RPL18: variants seen among roughly 807,000 people sequenced by gnomAD.
RPL18 encodes large ribosomal subunit protein eL18.
A neutral mutation model predicts 25.0 loss-of-function variants in RPL18; 4 were observed. The observed-to-expected ratio is 0.16, with a 90% CI of 0.08 to 0.37. RPL18 has a LOEUF of 0.37. RPL18 is among the 10% of genes least tolerant of loss of function. The probability of loss-of-function intolerance (pLI) is 1.00; values close to 1 mark genes in which losing one functional copy is unlikely to be tolerated. For synonymous variants in RPL18, 129 were observed against 101.6 expected (o/e 1.27, Z -1.62); for missense variants, 179 against 267.9 (o/e 0.67, Z 2.32).
intron 5 of RPL18, 45 bp from the exon 6 acceptor site, chr19:48,615,991 C>G (rs930358862): frequency 2.5e-6 from 4 of 1,613,326 alleles, no homozygotes; most frequent in Non-Finnish European, 3.4e-6. Flanking sequence ...GATCTGGCGC[C>G]CAGCTTCTGG....
chr19:48,617,778 G>A lies in RPL18; in HGVS notation c.90+13C>T, dbSNP rs1171336018. On this transcript the variant is annotated intron_variant, in intron 2 of 6. Coordinates refer to ENST00000549920, the MANE Select transcript of RPL18 (RefSeq NM_000979.4). ...GGGTGACCCTTCCCAAAGACCTCAG[G>A]GCCCAGCCTCACCTTGACCAACAGC... 1 of 1,610,204 alleles carries A rather than the reference G, an allele frequency of 6.2e-7. No homozygotes were observed. Among genetic ancestry groups the A allele is most frequent in the Non-Finnish European group, 8.5e-7 (1 of 1,176,528 alleles).
In RPL18 at chr19:48,615,552, A is replaced by G; in HGVS notation, c.492-105T>C. 2 of 918,132 alleles carry G rather than the reference A, an allele frequency of 2.2e-6. 1 individual carries two copies. Among genetic ancestry groups the G allele is most frequent in the South Asian group, 3.1e-5 (2 of 64,194 alleles). The allele number at this position is 918,132 out of a possible 1,614,324, so 56.9% of individuals were successfully genotyped here. A position where few individuals can be genotyped will look rare whatever the true frequency, so the allele number is the denominator to read the frequency against. ...GTCACATTCAGCCCCAGGAGAGTCA[A>G]TGCTGCTGGAAAAGCTTGGCAGAGT... On this transcript the variant is annotated intron_variant, in intron 6 of 6. Transcript: ENST00000549920.
intron 6 of RPL18, 79 bp downstream of exon 6, chr19:48,615,798 G>T: frequency 1.5e-6 from 2 of 1,299,272 alleles, no homozygotes; most frequent in South Asian, 1.3e-5. Flanking sequence ...AGGGATAGGA[G>T]AAGCAGCCCA....
chr19:48,615,574 G>C, intron 6 of RPL18, 127 bp from the exon 7 acceptor site: 2 of 820,794 alleles, frequency 2.4e-6, no homozygotes, highest in Non-Finnish European at 4.0e-6. Context: ...AAGCTTGGCA[G>C]AGTGGGAAGC....
chr19:48,617,069 G>C (rs747160213), intron 3 of RPL18: 4 of 702,688 alleles, frequency 5.7e-6, no homozygotes, highest in African/African-American at 1.7e-5. Flanking sequence ...GTTATGACTT[G>C]GGGCAATCTC....
rs371932309 is a variant in RPL18 at position 48,616,792 on chromosome 19, G to A, written c.231C>T (p.Asn77=). 1 of 1,613,848 alleles carries A rather than the reference G, an allele frequency of 6.2e-7. No individual in the cohort carries two copies. Among genetic ancestry groups the A allele is most frequent in the Admixed American group, 1.7e-5 (1 of 60,014 alleles). ...TGGTCCCCACAACCACGGCCGTCTT[G>A]TTTTCCCGGCCAGGAAGCTTCATCT... ...IRKMKLPGRE[N]KTAVVVGTIT... Residue 77 remains asparagine (N), a synonymous_variant, in exon 4 of 7, where the codon AAC becomes AAT. Coordinates refer to ENST00000549920, the MANE Select transcript of RPL18 (RefSeq NM_000979.4).
chr19:48,617,091 A>G, intron 3 of RPL18: 1 of 705,084 alleles, frequency 1.4e-6, no homozygotes, highest in Non-Finnish European at 2.6e-6. Flanking sequence ...TGAAGCCACC[A>G]GGACACCTCC....
In RPL18 at chr19:48,617,711, T is replaced by C. The variant is rs766656233; in HGVS notation, c.90+80A>G. ...TGCTCTGCAGGCCCCTGGGAGGAGC[T>C]TGGTGCCAGCACTAGAATGGAGGAT... On this transcript the variant is annotated intron_variant, in intron 2 of 6. Transcript: ENST00000549920. 223 of 1,114,614 alleles carry C rather than the reference T, an allele frequency of 2.0e-4. 1 individual carries two copies. In the East Asian group the frequency reaches 5.1e-3, roughly 25 times the overall value. 69.0% of individuals were successfully genotyped at this position (1,114,614 alleles called of 1,614,324 possible).
intron 4 of RPL18, 94 bp downstream of exon 4, chr19:48,616,632 C>CT (rs1568424656): frequency 3.2e-6 from 3 of 930,002 alleles, no homozygotes; most frequent in Non-Finnish European, 3.6e-6. Context: ...GGTGGCAAGA[C>CT]TGAGGATGGA....
At position 48,616,607 on chromosome 19, in the gene RPL18, G is replaced by A. The variant is rs781412888; in HGVS notation, c.297+119C>T. ...TCAAAGCCACTCAGACAGGCAGGAT[G>A]CTTGCCTCACCAGCGGTGGCAAGAC... On this transcript the variant is annotated intron_variant, in intron 4 of 6. Coordinates refer to ENST00000549920, the MANE Select transcript of RPL18 (RefSeq NM_000979.4). 17 of 807,406 alleles carry A rather than the reference G, an allele frequency of 2.1e-5. No individual in the cohort carries two copies. The South Asian group carries it at 2.3e-4, about 11-fold the overall frequency. The allele number at this position is 807,406 out of a possible 1,614,324, so 50.0% of individuals were successfully genotyped here.
chr19:48,618,136 C>A, intron 1 of RPL18: 1 of 328,716 alleles, frequency 3.0e-6, no homozygotes, highest in Admixed American at 4.6e-5. Context: ...ACAAAAAGGT[C>A]AATTCTTTAC....
intron 6 of RPL18, 181 bp downstream of exon 6, chr19:48,615,696 C>T: frequency 3.0e-6 from 2 of 668,814 alleles, no homozygotes; most frequent in Middle Eastern, 3.4e-4. Context: ...CTGCTCAGGC[C>T]CTGGAAAACA....
chr19:48,616,926 C>G (rs751721789), intron 3 of RPL18, 102 bp from the exon 4 acceptor site: 2 of 833,398 alleles, frequency 2.4e-6, no homozygotes, highest in East Asian at 2.5e-5. Flanking sequence ...CTAACGGGAC[C>G]CCCCACTCAC....
chr19:48,618,922 G>A (rs1974281030), intron 1 of RPL18: 3 of 578,176 alleles, frequency 5.2e-6, no homozygotes, highest in Admixed American at 3.3e-5. Flanking sequence ...AGTCATATCA[G>A]CCTCCGAGTA....
chr19:48,618,093 A>C (rs1412006127), intron 1 of RPL18: 1 of 476,426 alleles, frequency 2.1e-6, no homozygotes, highest in South Asian at 2.9e-5. Flanking sequence ...AGAACCCTGA[A>C]ACATCGTAAC....
intron 2 of RPL18, 123 bp from the exon 3 acceptor site, chr19:48,617,546 G>A (rs534787885): frequency 6.8e-5 from 54 of 795,478 alleles, no homozygotes; most frequent in Admixed American, 1.0e-4. Context: ...CCAACCCACC[G>A]ACCTAGAGGG....
chr19:48,615,679 G>A lies in RPL18; in HGVS notation c.491+198C>T, dbSNP rs1568424002. The A allele has an allele frequency of 4.6e-6, 3 of 651,898 alleles. No individual in the cohort carries two copies. The South Asian group carries it at 5.4e-5, about 12-fold the overall frequency. 40.4% of individuals were successfully genotyped at this position (651,898 alleles called of 1,614,324 possible). ...GGCCGGTGAACTGCATGCTCCCCAGGAGATGCCTGCTCAGGCCCTGGAAAA... is the reference window on the plus strand; with the variant it reads ...GGCCGGTGAACTGCATGCTCCCCAGAAGATGCCTGCTCAGGCCCTGGAAAA... On this transcript the variant is annotated intron_variant, in intron 6 of 6. Transcript: ENST00000549920.
rs1003223107 is a variant in RPL18, at chr19:48,615,353, A to G, written c.*19T>C. On this transcript the variant is annotated 3_prime_UTR_variant, in exon 7 of 7. Coordinates refer to ENST00000549920, the MANE Select transcript of RPL18 (RefSeq NM_000979.4). ...CACTGTCAGCAAAAATCTTTTTAAT[A>G]AGAGAGTAGGATCCAGGGTTAGTTT... is the stretch of plus-strand genomic sequence containing the variant. 6.3e-7 allele frequency: 1 copy of G among 1,587,258 alleles called. No homozygotes were observed. The highest frequency in any genetic ancestry group is 8.6e-7 in the Non-Finnish European group (1 of 1,161,630).
intron 4 of RPL18, chr19:48,616,474 G>T: frequency 1.5e-6 from 1 of 678,738 alleles, no homozygotes; most frequent in East Asian, 2.7e-5. Flanking sequence ...CTTGAGCCCA[G>T]GCTGTCTGGC....
Sources: allele counts gnomAD v4.1 joint callset, GRCh38; gene constraint gnomAD v4.1.1; transcripts MANE v1.5; gene names NCBI Gene and HGNC (gene_info 2026-07-23, HGNC 2026-07-21).